Variants in TRMT10A observed in about 807,000 individuals in gnomAD.
TRMT10A encodes tRNA methyltransferase 10 homolog A.
Under a neutral mutation model 40.4 loss-of-function variants are expected in TRMT10A, and 37 were observed. That is an observed-to-expected ratio of 0.92 (90% CI 0.71 to 1.21). The LOEUF (loss-of-function observed/expected upper bound fraction) is 1.21. TRMT10A is among the 50% of genes most tolerant of loss of function. The probability of loss-of-function intolerance (pLI) is 0.00; values close to 1 mark genes in which losing one functional copy is unlikely to be tolerated. For synonymous variants in TRMT10A, 103 were observed against 134.1 expected, an observed-to-expected ratio of 0.77 and a Z score of 1.60; for missense variants, 388 against 404.3, an observed-to-expected ratio of 0.96 and a Z score of 0.35.
chr4:99,556,546 T>TA (rs889399886), intron 4 of TRMT10A, among the ~76,000 whole-genome samples: 11 of 152,138 alleles, frequency 7.2e-5, no homozygotes, highest in South Asian at 4.2e-4. Flanking sequence ...CTCTTTTTTT[T>TA]AAAACAATAC....
intron 1 of TRMT10A, among the ~76,000 whole-genome samples, chr4:99,562,165 C>T (rs1724426617): frequency 7.2e-6 from 1 of 139,602 alleles, no homozygotes; most frequent in South Asian, 2.2e-4. Flanking sequence ...AGTAAGACTC[C>T]GTCTCCAAAA....
At position 99,559,177 on chromosome 4, in the gene TRMT10A, C is replaced by T. The variant is rs1166295339; in HGVS notation, c.162G>A (p.Trp54Ter). 5 of 1,612,410 alleles carry T rather than the reference C, an allele frequency of 3.1e-6. No individual in the cohort carries two copies. The highest frequency in any genetic ancestry group is 4.2e-6 in the Non-Finnish European group (5 of 1,179,042). ...QMKKLIKQKQ[W>*]EEQRELRKQK... ...ACTTGCGGAGTTCCCGTTGCTCTTC[C>T]CATTGTTTCTGTTTTATTAGTTTTT... The change falls in exon 2 of 8, where the codon TGG (tryptophan) becomes TGA (stop). Residue 54 changes from tryptophan to a stop codon, truncating the protein, a stop_gained. Coordinates refer to ENST00000394876, the MANE Select transcript of TRMT10A (RefSeq NM_001134665.3). LOFTEE classifies it high-confidence loss of function.
rs754738792 is a variant in TRMT10A at position 99,563,803 on chromosome 4, C to T, written c.-24+110G>A. ...AAACCACTTCCACACCACTGCTCCC[C>T]TCTCCCCCGGAAGCCCTTGTTGCTA... On this transcript the variant is annotated intron_variant, in intron 1 of 7. Coordinates refer to ENST00000394876, the MANE Select transcript of TRMT10A (RefSeq NM_001134665.3). 2.2e-5 allele frequency: 13 copies of T among 602,628 alleles called. No homozygotes were observed. In the African/African-American group the frequency reaches 2.4e-4, roughly 11 times the overall value. The allele number at this position is 602,628 out of a possible 1,614,324, so 37.3% of individuals were successfully genotyped here. A position where few individuals can be genotyped will look rare whatever the true frequency, so the allele number is the denominator to read the frequency against.
At chr4:99,557,835 C>T (rs1340643344) in intron 3 of TRMT10A, 1 of 495,750 alleles carries the variant, frequency 2.0e-6, no homozygotes, top group Admixed American at 3.8e-5. Context: ...TTCCTGTCTG[C>T]ACACATACTG....
chr4:99,557,474 T>A (rs185912651), intron 3 of TRMT10A, 58 bp from the exon 4 acceptor site: 168 of 1,494,836 alleles, frequency 1.1e-4, no homozygotes. Context: ...GGCCATTCTA[T>A]GATCTTAAAG....
intron 1 of TRMT10A, chr4:99,563,621 G>A (rs542605142): frequency 2.5e-4 from 66 of 263,540 alleles, no homozygotes; most frequent in African/African-American, 1.4e-3. Flanking sequence ...GCCCCACCAC[G>A]GGGCGGAGCC....
At position 99,548,353 on chromosome 4, in the gene TRMT10A, T is replaced by C. The variant is rs548194939; in HGVS notation, c.*735A>G. 1.3e-5 allele frequency: 2 copies of C among 152,168 alleles called. No individual in the cohort carries two copies. Among genetic ancestry groups the C allele is most frequent in the East Asian group, 3.9e-4 (2 of 5,186 alleles). 9.4% of individuals were successfully genotyped at this position (152,168 alleles called of 1,614,324 possible). A position where few individuals can be genotyped will look rare whatever the true frequency, so the allele number is the denominator to read the frequency against. ...ATTTTAAATGCAGGTAAAGACAAAA[T>C]TGATCTTTCAATAGCAACAGCCTTA... On this transcript the variant is annotated 3_prime_UTR_variant, in exon 8 of 8. Coordinates refer to ENST00000394876, the MANE Select transcript of TRMT10A (RefSeq NM_001134665.3).
At chr4:99,557,908 T>A in intron 3 of TRMT10A, 141 bp downstream of exon 3, 1 of 728,832 alleles carries the variant, frequency 1.4e-6, no homozygotes, top group South Asian at 2.1e-5. Context: ...ATTTGCTAGC[T>A]AATTTAACTT....
chr4:99,553,865 C>T lies in TRMT10A; in HGVS notation c.565G>A (p.Asp189Asn), dbSNP rs567950802. The change falls in exon 6 of 8, where the codon GAT becomes AAT. Residue 189 changes from aspartate to asparagine, a missense_variant. By Grantham distance (23) the Asp-to-Asn change is conservative. Coordinates refer to ENST00000394876, the MANE Select transcript of TRMT10A (RefSeq NM_001134665.3). ...KKEDLIYLTS[D>N]SPNILKELDE... Reference sequence around the variant, plus strand: ...AATTCCTTCAGTATATTAGGTGAATCTGACGTAAGGTAAATCAGGTCTTCT... The same window carrying T: ...AATTCCTTCAGTATATTAGGTGAATTTGACGTAAGGTAAATCAGGTCTTCT... The T allele has an allele frequency of 5.0e-6, 8 of 1,613,522 alleles. No homozygotes were observed. The South Asian group carries it at 7.7e-5, about 16-fold the overall frequency.
rs943825415 is a variant in TRMT10A at position 99,557,965 on chromosome 4, A to G, written c.348+84T>C. 8.6e-6 allele frequency: 11 copies of G among 1,280,104 alleles called. No homozygotes were observed. In the African/African-American group the frequency reaches 1.4e-4, roughly 16 times the overall value. The allele number at this position is 1,280,104 out of a possible 1,614,324, so 79.3% of individuals were successfully genotyped here. Reference sequence around the variant, plus strand: ...AAGATTCATTTCAATACACAAATTTACATAAAAGGGATATTGCATATTAAA... The same window carrying G: ...AAGATTCATTTCAATACACAAATTTGCATAAAAGGGATATTGCATATTAAA... On this transcript the variant is annotated intron_variant, in intron 3 of 7. Coordinates refer to ENST00000394876, the MANE Select transcript of TRMT10A (RefSeq NM_001134665.3).
At chr4:99,562,187 T>A (rs1319562475) in intron 1 of TRMT10A, among the ~76,000 whole-genome samples, 29 of 137,074 alleles carry the variant, frequency 2.1e-4, no homozygotes, top group African/African-American at 7.1e-4. Flanking sequence ...AAAAAAAAAA[T>A]TATATATATA....
chr4:99,562,748 A>G (rs1282531550), intron 1 of TRMT10A, among the ~76,000 whole-genome samples: 1 of 151,800 alleles, frequency 6.6e-6, no homozygotes, highest in South Asian at 2.1e-4. Context: ...GATGGTCTCC[A>G]TCTCTTGACC....
chr4:99,551,576 T>C (rs927786965), intron 6 of TRMT10A, among the ~76,000 whole-genome samples: 2 of 152,134 alleles, frequency 1.3e-5, no homozygotes, highest in Admixed American at 6.5e-5. Context: ...TACAATTATG[T>C]ACAGTACATA....
intron 6 of TRMT10A, among the ~76,000 whole-genome samples, chr4:99,552,645 A>G (rs1460147358): frequency 6.6e-6 from 1 of 152,218 alleles, no homozygotes; most frequent in African/African-American, 2.4e-5. Flanking sequence ...TTAAATTTCA[A>G]TTAGTAACAC....
chr4:99,562,446 A>T (rs1724455887), intron 1 of TRMT10A, among the ~76,000 whole-genome samples: 1 of 151,354 alleles, frequency 6.6e-6, no homozygotes, highest in African/African-American at 2.4e-5. Context: ...CCTTTTCAGA[A>T]AAATCTCAAC....
chr4:99,561,020 C>G (rs1724368799), intron 1 of TRMT10A, among the ~76,000 whole-genome samples: 1 of 151,512 alleles, frequency 6.6e-6, no homozygotes, highest in African/African-American at 2.4e-5. Flanking sequence ...GCGCGATCTC[C>G]GTTCACTGCA....
At chr4:99,555,068 A>T (rs1271605220) in intron 5 of TRMT10A, among the ~76,000 whole-genome samples, 2 of 152,240 alleles carry the variant, frequency 1.3e-5, no homozygotes, top group African/African-American at 2.4e-5. Flanking sequence ...GAACCTGATT[A>T]ATTAGAGACC....
At chr4:99,552,270 C>T (rs558472769) in intron 6 of TRMT10A, among the ~76,000 whole-genome samples, 13 of 152,302 alleles carry the variant, frequency 8.5e-5, no homozygotes, top group Non-Finnish European at 1.6e-4. Context: ...TGCAGTTGTG[C>T]AAGCACCACT....
intron 3 of TRMT10A, 101 bp from the exon 4 acceptor site, chr4:99,557,517 A>G (rs1724211148): frequency 7.6e-6 from 7 of 925,204 alleles, no homozygotes; most frequent in Non-Finnish European, 1.6e-6. Flanking sequence ...GACTATATAC[A>G]TACAATTTTT....
Sources: allele counts gnomAD v4.1 joint callset (sites outside exome capture counted in the v4.1 genomes callset), GRCh38; gene constraint gnomAD v4.1.1; transcripts MANE v1.5; gene names NCBI Gene and HGNC (gene_info 2026-07-23, HGNC 2026-07-21).